The following SI variants were observed in gnomAD, a reference collection of about 807,000 sequenced individuals.
The protein encoded by SI is sucrase-isomaltase, intestinal.
Under a neutral mutation model 253.3 loss-of-function variants are expected in SI, and 235 were observed. The observed-to-expected ratio is 0.93, with a 90% CI of 0.83 to 1.03. The LOEUF (loss-of-function observed/expected upper bound fraction) is 1.03. Ranked by LOEUF, SI falls within the 50% of genes least tolerant of loss-of-function variation. The pLI is 0.00. For missense variants in SI, 2,442 were observed against 2,211.1 expected (o/e 1.10, Z -2.09); for synonymous variants, 819 against 712.0 (o/e 1.15, Z -2.39).
rs1420442043 is a variant in SI at position 165,032,554 on chromosome 3, G to A, written c.2704C>T (p.His902Tyr). Reference sequence around the variant, plus strand: ...GAAGCATCATAAGTGAAATTGGAATGAGCGTTCATTGGTTGATTATTTTCC... The same window carrying A: ...GAAGCATCATAAGTGAAATTGGAATAAGCGTTCATTGGTTGATTATTTTCC... ...VAENNQPMNA[H>Y]SNFTYDASNQ... Residue 902 changes from histidine (H) to tyrosine (Y), a missense_variant, in exon 24 of 48, where the codon CAT becomes TAT. Physicochemically the swap from His to Tyr is moderately conservative, Grantham distance 83 (BLOSUM62 2). Transcript: ENST00000264382. 1.2e-6 allele frequency: 2 copies of A among 1,608,634 alleles called. No individual in the cohort carries two copies. The highest frequency in any genetic ancestry group is 8.5e-7 in the Non-Finnish European group (1 of 1,176,494).
intron 9 of SI, among the ~76,000 whole-genome samples, chr3:165,061,513 T>A (rs1234542191): frequency 1.3e-5 from 2 of 152,056 alleles, no homozygotes; most frequent in South Asian, 2.1e-4. Flanking sequence ...TCATTTCAGC[T>A]TTTTGGATCC....
chr3:165,030,192 A>G (rs564906543), intron 25 of SI, among the ~76,000 whole-genome samples: 63 of 150,942 alleles, frequency 4.2e-4, no homozygotes, highest in African/African-American at 1.5e-3. Flanking sequence ...ATGTTTTACA[A>G]TGTCCTTCCT....
At chr3:165,089,860 T>C in the SI span, among the ~76,000 whole-genome samples, 4 of 151,820 alleles carry the variant, frequency 2.6e-5, no homozygotes, top group South Asian at 2.1e-4. Flanking sequence ...CCTTATAACA[T>C]TGGAGCTCAC....
At chr3:165,025,929 A>G (rs1711889738) in intron 25 of SI, among the ~76,000 whole-genome samples, 2 of 151,348 alleles carry the variant, frequency 1.3e-5, no homozygotes, top group South Asian at 4.1e-4. Flanking sequence ...CATAATAAAA[A>G]AACAAGGTAT....
At chr3:165,000,806 A>C (rs1396341758) in intron 37 of SI, among the ~76,000 whole-genome samples, 1 of 151,438 alleles carries the variant, frequency 6.6e-6, no homozygotes, top group African/African-American at 2.4e-5. Flanking sequence ...TATTCTTGAG[A>C]AACAGCTTTA....
rs1718968622 is a variant in SI at position 165,015,215 on chromosome 3, T to G, written c.3907A>C (p.Asn1303His). Residue 1303 changes from asparagine (N) to histidine (H), a missense_variant, in exon 33 of 48, where the codon AAT becomes CAT. By Grantham distance (68) the Asn-to-His change is moderately conservative. Transcript: ENST00000264382. ...AATGCAGGGTAAGTCTTTGTTTCAT[T>G]TCCTGAAATTGCTGGATCCTAAAAT... ...IIILDPAISG[N>H]ETKTYPAFER... The G allele has an allele frequency of 6.8e-6, 11 of 1,612,728 alleles. No homozygotes were observed. The highest frequency in any genetic ancestry group is 8.5e-6 in the Non-Finnish European group (10 of 1,179,068).
At chr3:165,085,269 C>G in the SI span, among the ~76,000 whole-genome samples, 1 of 152,084 alleles carries the variant, frequency 6.6e-6, no homozygotes. Context: ...CTAGCAGTTA[C>G]TAAAAGTACA....
chr3:165,009,199 T>C, intron 35 of SI, 80 bp downstream of exon 35: 1 of 937,282 alleles, frequency 1.1e-6, no homozygotes, highest in Non-Finnish European at 1.7e-6. Context: ...TTTGTTGACA[T>C]TATTTGAGCC....
In SI at chr3:165,030,874, AGAC is replaced by A. The variant is rs367747432; in HGVS notation, c.2737-10_2737-8del. On this transcript the variant is annotated splice_polypyrimidine_tract_variant and splice_region_variant and intron_variant, in intron 24 of 47. Coordinates refer to ENST00000264382, the MANE Select transcript of SI (RefSeq NM_001041.4). Reference sequence around the variant, plus strand: ...GATCTGCAATTAGGAGAACCTTTGAAGACAAAAAAAAAAAAAGAAAAAAAGAAA... The same window carrying A: ...GATCTGCAATTAGGAGAACCTTTGAAAAAAAAAAAAAAAGAAAAAAAGAAA... 5 of 1,465,886 alleles carry A rather than the reference AGAC, an allele frequency of 3.4e-6. No individual in the cohort carries two copies. Among genetic ancestry groups the A allele is most frequent in the South Asian group, 1.3e-5 (1 of 77,982 alleles). 90.8% of individuals were successfully genotyped at this position (1,465,886 alleles called of 1,614,324 possible). A position where few individuals can be genotyped will look rare whatever the true frequency, so the allele number is the denominator to read the frequency against.
intron 21 of SI, among the ~76,000 whole-genome samples, chr3:165,036,968 T>C (rs1217599325): frequency 6.6e-6 from 1 of 151,526 alleles, no homozygotes; most frequent in Non-Finnish European, 1.5e-5. Flanking sequence ...TCAAGAAATA[T>C]GGTTTTTTTT....
upstream of SI, among the ~76,000 whole-genome samples, chr3:165,079,073 T>G (rs1254295688): frequency 1.3e-5 from 2 of 151,604 alleles, no homozygotes; most frequent in African/African-American, 2.4e-5. Flanking sequence ...TTACCACAGA[T>G]AGCACTCATT....
At chr3:165,056,345 G>A (rs1316980659) in intron 12 of SI, among the ~76,000 whole-genome samples, 1 of 151,642 alleles carries the variant, frequency 6.6e-6, no homozygotes, top group East Asian at 1.9e-4. Flanking sequence ...GAGAGACAGA[G>A]CAAAATGGCT....
intron 22 of SI, among the ~76,000 whole-genome samples, chr3:165,034,804 A>T (rs1712445029): frequency 6.6e-6 from 1 of 152,048 alleles, no homozygotes; most frequent in African/African-American, 2.4e-5. Context: ...ATGGAGGATC[A>T]TTAGAAGGTT....
chr3:165,083,097 T>C (rs1350585017), upstream of SI, among the ~76,000 whole-genome samples: 1 of 151,960 alleles, frequency 6.6e-6, no homozygotes, highest in African/African-American at 2.4e-5. Flanking sequence ...TTTTTGCAGC[T>C]ACAATATGGC....
At chr3:165,066,249 A>G (rs1324431526) in intron 6 of SI, among the ~76,000 whole-genome samples, 1 of 151,948 alleles carries the variant, frequency 6.6e-6, no homozygotes, top group Non-Finnish European at 1.5e-5. Flanking sequence ...ATATTATACA[A>G]TTTTATATAA....
In SI at chr3:165,070,675, G is replaced by T; in HGVS notation, c.256-1480C>A. On this transcript the variant is annotated intron_variant, in intron 3 of 47. Coordinates refer to ENST00000264382, the MANE Select transcript of SI (RefSeq NM_001041.4). ...AAGGTGCTAAGTTTAAAAAATAAGAGGAAAGAAATAAGCACACTATAATCA... is the reference window on the plus strand; with the variant it reads ...AAGGTGCTAAGTTTAAAAAATAAGATGAAAGAAATAAGCACACTATAATCA... 2.6e-5 allele frequency among the ~76,000 whole-genome samples: 4 copies of T among 151,516 alleles called. No individual in the cohort carries two copies. The Middle Eastern group carries it at 0.01, about 387-fold the overall frequency.
chr3:165,036,502 T>C (rs749411784), intron 21 of SI, 25 bp from the exon 22 acceptor site: 8 of 1,510,834 alleles, frequency 5.3e-6, no homozygotes, highest in African/African-American at 2.7e-5. Context: ...TAGGTGCATA[T>C]ATGGTTAAAA....
rs184975890 is a variant in SI, at chr3:165,069,049, T to C, written c.373+29A>G. Reference sequence around the variant, plus strand: ...TTCGCTCCAGTTAGAATATATCATATTGAATCATTATAACAGAGGACTTCT... The same window carrying C: ...TTCGCTCCAGTTAGAATATATCATACTGAATCATTATAACAGAGGACTTCT... On this transcript the variant is annotated intron_variant, in intron 4 of 47. Transcript: ENST00000264382. The C allele has an allele frequency of 1.4e-4, 204 of 1,420,798 alleles. 1 individual carries two copies. In the African/African-American group the frequency reaches 2.3e-3, roughly 16 times the overall value. The allele number at this position is 1,420,798 out of a possible 1,614,324, so 88.0% of individuals were successfully genotyped here.
intron 34 of SI, among the ~76,000 whole-genome samples, chr3:165,010,067 G>T (rs537627096): frequency 6.6e-6 from 1 of 152,120 alleles, no homozygotes; most frequent in Non-Finnish European, 1.5e-5. Context: ...TGTTGTAACG[G>T]CCTTAACAGT....
Sources: gnomAD v4.1 joint callset for allele counts (sites outside exome capture counted in the v4.1 genomes callset) on GRCh38, gnomAD v4.1.1 for gene constraint, MANE v1.5 for transcripts, NCBI Gene and HGNC (gene_info 2026-07-23, HGNC 2026-07-21) for gene names.